The following A1CF variants were observed in gnomAD, a reference collection of about 807,000 sequenced individuals.
The protein encoded by A1CF is APOBEC1 complementation factor.
A1CF carries 48 observed loss-of-function variants against 68.9 expected under a neutral mutation model. The ratio of observed to expected loss-of-function variants is 0.70; its 90% CI spans 0.55 to 0.89. The LOEUF (loss-of-function observed/expected upper bound fraction) is 0.89. Ranked by LOEUF, A1CF falls within the 40% of genes least tolerant of loss-of-function variation. A1CF has a pLI of 0.00. For synonymous variants in A1CF, 272 were observed against 260.4 expected (o/e 1.04, Z -0.43); for missense variants, 653 against 718.9 (o/e 0.91, Z 1.05).
At chr10:50,850,602 G>C in intron 3 of A1CF, 1 of 1,579,434 alleles carries the variant, frequency 6.3e-7, no homozygotes, top group Non-Finnish European at 8.7e-7. Context: ...TTGTGTGTGT[G>C]TGTGTGTTTC....
At chr10:50,859,180 A>C (rs1840621702) in intron 3 of A1CF, among the ~76,000 whole-genome samples, 1 of 152,196 alleles carries the variant, frequency 6.6e-6, no homozygotes, top group Non-Finnish European at 1.5e-5. Flanking sequence ...TAAATAAGAT[A>C]ATATATGTAT....
At chr10:50,830,678 A>G (rs1839193746) in intron 6 of A1CF, among the ~76,000 whole-genome samples, 1 of 152,188 alleles carries the variant, frequency 6.6e-6, no homozygotes, top group Admixed American at 6.5e-5. Flanking sequence ...TATTGTTATA[A>G]AGTCCACGCT....
intron 3 of A1CF, among the ~76,000 whole-genome samples, chr10:50,852,155 T>C (rs1055993142): frequency 2.6e-5 from 4 of 152,228 alleles, no homozygotes; most frequent in Non-Finnish European, 5.9e-5. Context: ...ATAGAAAAAG[T>C]CTGTGCTTCT....
chr10:50,809,601 C>A (rs1025911729), intron 12 of A1CF, among the ~76,000 whole-genome samples: 1 of 152,070 alleles, frequency 6.6e-6, no homozygotes, highest in Non-Finnish European at 1.5e-5. Context: ...TTCAAACTCT[C>A]GTACTAAAAG....
At chr10:50,850,764 T>C in intron 3 of A1CF, 1 of 1,614,174 alleles carries the variant, frequency 6.2e-7, no homozygotes, top group Non-Finnish European at 8.5e-7. Context: ...GCTCTGGGCA[T>C]GTGCCCAGAC....
At position 50,816,026 on chromosome 10, in the gene A1CF, A is replaced by G; in HGVS notation, c.1121T>C (p.Ile374Thr). Reference sequence around the variant, plus strand: ...GTTACCTCTAACAGAAGGGGCTCGGATAATGGCTCTGTTGCTGAGATGTCC... The same window carrying G: ...GTTACCTCTAACAGAAGGGGCTCGGGTAATGGCTCTGTTGCTGAGATGTCC... Reference protein sequence around the residue: ...TKGHLSNRAIIRAPSVRGAAG... With the variant: ...TKGHLSNRAITRAPSVRGAAG... Residue 374 changes from isoleucine to threonine, a missense_variant, in exon 9 of 13, where the codon ATC becomes ACC. Ile to Thr is a moderately conservative substitution (Grantham distance 89). Coordinates refer to ENST00000373997, the MANE Select transcript of A1CF (RefSeq NM_014576.4). The G allele has an allele frequency of 6.2e-7, 1 of 1,613,734 alleles. No individual in the cohort carries two copies. The highest frequency in any genetic ancestry group is 8.5e-7 in the Non-Finnish European group (1 of 1,179,744).
intron 3 of A1CF, among the ~76,000 whole-genome samples, chr10:50,858,334 T>C (rs1156245612): frequency 6.6e-6 from 1 of 152,126 alleles, no homozygotes; most frequent in African/African-American, 2.4e-5. Context: ...AGAACCAGTA[T>C]CCAGAATTGA....
chr10:50,815,901 C>G, intron 9 of A1CF, 105 bp downstream of exon 9: 2 of 1,314,732 alleles, frequency 1.5e-6, no homozygotes, highest in Non-Finnish European at 2.1e-6. Context: ...AACAATTTTT[C>G]AGTGCTTTTC....
intron 4 of A1CF, among the ~76,000 whole-genome samples, 168 bp downstream of exon 4, chr10:50,843,820 G>A (rs1377248933): frequency 2.6e-5 from 4 of 152,156 alleles, no homozygotes; most frequent in African/African-American, 9.7e-5. Flanking sequence ...CTAGGTCAAG[G>A]CAGTGATTAT....
intron 3 of A1CF, chr10:50,850,791 T>C (rs765883283): frequency 1.9e-6 from 3 of 1,612,876 alleles, no homozygotes; most frequent in Non-Finnish European, 2.5e-6. Context: ...CTTCCATCTA[T>C]AGGAACCTCT....
intron 3 of A1CF, among the ~76,000 whole-genome samples, chr10:50,855,875 T>G (rs1840455682): frequency 6.6e-6 from 1 of 152,026 alleles, no homozygotes; most frequent in Non-Finnish European, 1.5e-5. Context: ...TTGGATTGTA[T>G]TAGGATGTTT....
intron 6 of A1CF, among the ~76,000 whole-genome samples, chr10:50,831,714 GT>G (rs1180185263): frequency 6.6e-6 from 1 of 152,096 alleles, no homozygotes; most frequent in East Asian, 1.9e-4. Context: ...GGCAATAAGA[GT>G]GAAACTCCGT....
chr10:50,871,765 C>T (rs960283162), intron 1 of A1CF, among the ~76,000 whole-genome samples: 1 of 151,922 alleles, frequency 6.6e-6, no homozygotes, highest in African/African-American at 2.4e-5. Context: ...CATAACATGC[C>T]AGCATTCTAA....
At chr10:50,884,554 G>A (rs1274887554) in intron 1 of A1CF, among the ~76,000 whole-genome samples, 1 of 152,168 alleles carries the variant, frequency 6.6e-6, no homozygotes, top group African/African-American at 2.4e-5. Context: ...TTTCAGAGCA[G>A]ACCAACACAT....
intron 1 of A1CF, among the ~76,000 whole-genome samples, chr10:50,872,906 C>T (rs575078449): frequency 1.4e-5 from 2 of 147,580 alleles, no homozygotes; most frequent in Non-Finnish European, 3.0e-5. Flanking sequence ...CAAGATCTGG[C>T]TCAGCTTTCA....
At chr10:50,859,261 A>G (rs1443615642) in intron 3 of A1CF, among the ~76,000 whole-genome samples, 16 of 152,214 alleles carry the variant, frequency 1.1e-4, no homozygotes, top group Non-Finnish European at 1.8e-4. Context: ...ATAATAATAT[A>G]CAGATAATTT....
Position 50,828,195 on chromosome 10 carries a change from T to C in A1CF, c.705A>G (p.Val235=). The stretch of plus-strand genomic sequence containing the variant: ...CAGAGGTAGACAGCATAAGATTTCT[T>C]ACATATAGGATTTTCACTGAAGACA... The part of the protein sequence containing the change: ...DTMSSVKILY[V]RNLMLSTSEE... The change falls in exon 7 of 13, where the codon GTA becomes GTG. Residue 235 remains valine, a synonymous_variant. Transcript: ENST00000373997. 6.2e-7 allele frequency: 1 copy of C among 1,609,558 alleles called. No individual in the cohort carries two copies. Among genetic ancestry groups the C allele is most frequent in the Non-Finnish European group, 8.5e-7 (1 of 1,176,842 alleles).
At chr10:50,865,882 G>A (rs551955394) in intron 1 of A1CF, among the ~76,000 whole-genome samples, 14 of 152,266 alleles carry the variant, frequency 9.2e-5, no homozygotes, top group East Asian at 1.9e-4. Flanking sequence ...TGGCTTACAT[G>A]TCTAACTTTT....
intron 6 of A1CF, among the ~76,000 whole-genome samples, chr10:50,829,621 T>G (rs1297169745): frequency 6.6e-6 from 1 of 152,196 alleles, no homozygotes; most frequent in East Asian, 1.9e-4. Flanking sequence ...TTACCCTAGC[T>G]GTGACCATCT....
Sources: gnomAD v4.1 joint callset for allele counts (sites outside exome capture counted in the v4.1 genomes callset) on GRCh38, gnomAD v4.1.1 for gene constraint, MANE v1.5 for transcripts, NCBI Gene and HGNC (gene_info 2026-07-23, HGNC 2026-07-21) for gene names.